The following TJP1 variants were observed in gnomAD, a reference collection of about 807,000 sequenced individuals.
TJP1 encodes tight junction protein 1.
Under a neutral mutation model 194.2 loss-of-function variants are expected in TJP1, and 43 were observed. The observed-to-expected ratio is 0.22, with a 90% CI of 0.17 to 0.29. TJP1 has a LOEUF of 0.29. TJP1 is among the 10% of genes least tolerant of loss of function. The probability of loss-of-function intolerance (pLI) is 1.00; values close to 1 mark genes in which losing one functional copy is unlikely to be tolerated. For missense variants in TJP1, 1,971 were observed against 2,185.7 expected, an observed-to-expected ratio of 0.90 and a Z score of 1.96; for synonymous variants, 801 against 779.0, an observed-to-expected ratio of 1.03 and a Z score of -0.47.
In TJP1 at chr15:29,718,186, T is replaced by C. The variant is rs1049527738; in HGVS notation, c.3877-68A>G. ...GAACAGATAATTAACAGAATAGATA[T>C]CATGTAATGGCGGAGGGGAGAGCCA... On this transcript the variant is annotated intron_variant, in intron 21 of 27. Coordinates refer to ENST00000614355, the MANE Select transcript of TJP1 (RefSeq NM_001330239.4). 2.1e-5 allele frequency: 33 copies of C among 1,562,232 alleles called. No homozygotes were observed. The Admixed American group carries it at 3.8e-4, about 18-fold the overall frequency.
chr15:29,847,045 A>C (rs1044011461), intron 2 of TJP1, among the ~76,000 whole-genome samples: 1 of 152,238 alleles, frequency 6.6e-6, no homozygotes, highest in Admixed American at 6.5e-5. Context: ...TTTATTGAAC[A>C]CTTACTATAT....
intron 2 of TJP1, chr15:29,800,362 T>A (rs570936339): frequency 5.3e-6 from 2 of 376,540 alleles, no homozygotes; most frequent in South Asian, 1.0e-4. Flanking sequence ...TAATAATTTA[T>A]ACTAATGTAC....
intron 8 of TJP1, among the ~76,000 whole-genome samples, chr15:29,743,878 T>C (rs1425991932): frequency 6.6e-6 from 1 of 152,108 alleles, no homozygotes; most frequent in East Asian, 1.9e-4. Context: ...GAAATACAAA[T>C]TAATTAGAAA....
chr15:29,936,237 T>C (rs938213447), intron 2 of TJP1, among the ~76,000 whole-genome samples: 5 of 152,158 alleles, frequency 3.3e-5, no homozygotes, highest in Non-Finnish European at 7.4e-5. Flanking sequence ...CATCTAAAGA[T>C]ACTCAACACT....
chr15:29,761,460 A>T (rs1177344930), intron 7 of TJP1, 141 bp downstream of exon 7: 2 of 1,292,334 alleles, frequency 1.5e-6, no homozygotes, highest in Non-Finnish European at 2.1e-6. Context: ...TGTCTACAGG[A>T]AAAAATGTAT....
rs575840613 is a variant in TJP1, at chr15:29,932,568, G to C, written c.306+23664C>G. 5.1e-4 allele frequency among the ~76,000 whole-genome samples: 78 copies of C among 151,916 alleles called. No individual in the cohort carries two copies. The South Asian group carries it at 8.1e-3, about 16-fold the overall frequency. ...CATCTTTATGACCTGGAAAAAAAAG[G>C]GTTTTTTAAAACAAGACATTAAAAT... On this transcript the variant is annotated intron_variant, in intron 2 of 28. Coordinates refer to the TJP1 transcript ENST00000356107.
At chr15:29,714,242 ACTC>A (rs1170408791) in intron 23 of TJP1, among the ~76,000 whole-genome samples, 3 of 151,110 alleles carry the variant, frequency 2.0e-5, no homozygotes, top group Non-Finnish European at 3.0e-5. Context: ...ACCTAAATAT[ACTC>A]CTTTTTTTTT....
chr15:29,729,822 CAA>C (rs762817418), intron 15 of TJP1, among the ~76,000 whole-genome samples: 26 of 82,154 alleles, frequency 3.2e-4, no homozygotes, highest in Admixed American at 4.1e-4. Flanking sequence ...GACTCTGTTT[CAA>C]AAAAAAAAAA....
intron 2 of TJP1, among the ~76,000 whole-genome samples, chr15:29,946,068 A>G (rs978901479): frequency 1.3e-5 from 2 of 152,208 alleles, no homozygotes; most frequent in Non-Finnish European, 2.9e-5. Context: ...TGCAGAAAAC[A>G]AGGAAGTGTT....
At chr15:29,822,580 C>T (rs2050491604), upstream of TJP1, 2 of 540,120 alleles carry the variant, frequency 3.7e-6, no homozygotes, top group Admixed American at 1.3e-4. Flanking sequence ...GGGGAGGGGG[C>T]GGGACGAGCG....
chr15:29,757,106 G>T (rs1052707154), intron 8 of TJP1, among the ~76,000 whole-genome samples: 1 of 152,180 alleles, frequency 6.6e-6, no homozygotes, highest in African/African-American at 2.4e-5. Context: ...TCAAGGTTAT[G>T]CAAGTAACCA....
Position 29,822,044 on chromosome 15 carries a change from C to G in TJP1, c.-16G>C. ...TGGCGGACATCTTGTCTCTCTCCAG[C>G]GCCGCGCGAGGCTCCTCGGACCCGA... is the stretch of plus-strand genomic sequence containing the variant. On this transcript the variant is annotated 5_prime_UTR_variant, in exon 1 of 28. Coordinates refer to ENST00000614355, the MANE Select transcript of TJP1 (RefSeq NM_001330239.4). 2.3e-6 allele frequency: 3 copies of G among 1,317,832 alleles called. No homozygotes were observed. Among genetic ancestry groups the G allele is most frequent in the East Asian group, 3.1e-5 (1 of 32,184 alleles). 81.6% of individuals were successfully genotyped at this position (1,317,832 alleles called of 1,614,324 possible).
chr15:29,967,171 G>A (rs1166382239), intron 1 of TJP1, among the ~76,000 whole-genome samples: 1 of 151,802 alleles, frequency 6.6e-6, no homozygotes, highest in East Asian at 1.9e-4. Context: ...ACACCACCAT[G>A]CCCGGGTAAT....
chr15:29,960,657 A>G (rs2056122963), intron 1 of TJP1, among the ~76,000 whole-genome samples: 2 of 151,548 alleles, frequency 1.3e-5, no homozygotes, highest in Admixed American at 1.3e-4. Context: ...AAAAAGTAAT[A>G]ATCAGTAGCG....
At position 29,708,617 on chromosome 15, in the gene TJP1, C is replaced by G. The variant is rs2042050183; in HGVS notation, c.4792G>C (p.Glu1598Gln). Residue 1598 changes from glutamate (E) to glutamine (Q), a missense_variant, in exon 25 of 28, where the codon GAG becomes CAG. Physicochemically the swap from Glu to Gln is conservative, Grantham distance 29. This residue lies in a region of TJP1 where 1,108 missense variants were observed against 1,128.5 expected (regional missense o/e 0.98). Coordinates refer to ENST00000614355, the MANE Select transcript of TJP1 (RefSeq NM_001330239.4). ...TTATTTATTTGATATTTAGGCTTCT[C>G]TGCATGGATAGAGAAAGTTTCAACT... ...SGVETFSIHA[E>Q]KPKYQINNIS... 8 of 1,614,196 alleles carry G rather than the reference C, an allele frequency of 5.0e-6. No homozygotes were observed. The highest frequency in any genetic ancestry group is 6.8e-6 in the Non-Finnish European group (8 of 1,180,016).
intron 1 of TJP1, among the ~76,000 whole-genome samples, chr15:29,814,915 A>G (rs1318573314): frequency 6.6e-6 from 1 of 152,212 alleles, no homozygotes; most frequent in African/African-American, 2.4e-5. Context: ...TGAGCACTAC[A>G]TATATGACAG....
In TJP1 at chr15:29,822,288, T is replaced by G; in HGVS notation, c.-260A>C. 1 of 1,139,078 alleles carries G rather than the reference T, an allele frequency of 8.8e-7. No individual in the cohort carries two copies. Among genetic ancestry groups the G allele is most frequent in the Non-Finnish European group, 1.1e-6 (1 of 928,122 alleles). 70.6% of individuals were successfully genotyped at this position (1,139,078 alleles called of 1,614,324 possible). ...TCCGAGCGCGGCCACCCACTCGGCC[T>G]CCCGCAGCTTTCGCAGCCCGGCCAC... On this transcript the variant is annotated 5_prime_UTR_variant, in exon 1 of 28. Transcript: ENST00000614355.
intron 15 of TJP1, chr15:29,730,597 A>G: frequency 3.7e-6 from 1 of 271,568 alleles, no homozygotes; most frequent in Non-Finnish European, 7.2e-6. Context: ...TCTGTCTCTG[A>G]AAAAAAAAAA....
intron 9 of TJP1, among the ~76,000 whole-genome samples, chr15:29,741,981 AG>A (rs796189833): frequency 6.6e-4 from 101 of 152,286 alleles, no homozygotes; most frequent in African/African-American, 2.2e-3. Flanking sequence ...CCAACACACT[AG>A]GAAGCTGAGG....
Sources: allele counts gnomAD v4.1 joint callset (sites outside exome capture counted in the v4.1 genomes callset), GRCh38; gene constraint gnomAD v4.1.1; regional missense constraint gnomAD v4.1.1; transcripts MANE v1.5; gene names NCBI Gene and HGNC (gene_info 2026-07-23, HGNC 2026-07-21).